UBE2D2: variants seen among roughly 807,000 people sequenced by gnomAD.
UBE2D2 encodes ubiquitin-conjugating enzyme E2 D2.
UBE2D2 carries 2 observed loss-of-function variants against 24.2 expected under a neutral mutation model. The ratio of observed to expected loss-of-function variants is 0.08; its 90% CI spans 0.03 to 0.26. The LOEUF is 0.26. UBE2D2 is among the 10% of genes least tolerant of loss of function. The probability of loss-of-function intolerance (pLI) is 1.00; values close to 1 mark genes in which losing one functional copy is unlikely to be tolerated. For missense variants in UBE2D2, 44 were observed against 177.6 expected, an observed-to-expected ratio of 0.25 and a Z score of 4.28; for synonymous variants, 58 against 56.5, an observed-to-expected ratio of 1.03 and a Z score of -0.12.
chr5:139,625,060 C>A (rs533620459), intron 6 of UBE2D2, among the ~76,000 whole-genome samples: 20 of 151,412 alleles, frequency 1.3e-4, no homozygotes, highest in Non-Finnish European at 2.4e-4. Context: ...TCTAACCCCC[C>A]ACTTTTTTTT....
At chr5:139,559,125 C>CT (rs544858968), upstream of UBE2D2, among the ~76,000 whole-genome samples, 173 of 151,964 alleles carry the variant, frequency 1.1e-3, no homozygotes, top group Admixed American at 3.7e-3. Flanking sequence ...CTGAGAATAA[C>CT]TTTAAAAAAA....
intron 2 of UBE2D2, chr5:139,611,868 C>T (rs1001048115): frequency 6.6e-6 from 1 of 152,058 alleles, no homozygotes; most frequent in South Asian, 2.1e-4. Context: ...CCTGTTTTTC[C>T]ACTCGCAGTC....
intron 2 of UBE2D2, among the ~76,000 whole-genome samples, chr5:139,609,641 G>C (rs1381001768): frequency 6.6e-6 from 1 of 150,454 alleles, no homozygotes; most frequent in Non-Finnish European, 1.5e-5. Context: ...AAAGTGCTGG[G>C]ATTACAGGTG....
chr5:139,611,377 G>A (rs1366037659), intron 2 of UBE2D2, among the ~76,000 whole-genome samples: 2 of 151,598 alleles, frequency 1.3e-5, no homozygotes, highest in African/African-American at 2.4e-5. Context: ...CAGTAGAGAC[G>A]GGGTTTCACT....
intron 1 of UBE2D2, among the ~76,000 whole-genome samples, chr5:139,554,006 C>T (rs1581487502): frequency 1.3e-5 from 2 of 152,186 alleles, no homozygotes; most frequent in Non-Finnish European, 2.9e-5. Context: ...TCTTGAACTT[C>T]TGACCTCAGG....
At chr5:139,570,861 A>G (rs1000291447) in intron 1 of UBE2D2, among the ~76,000 whole-genome samples, 2 of 152,118 alleles carry the variant, frequency 1.3e-5, no homozygotes, top group African/African-American at 4.8e-5. Flanking sequence ...CTTTCTGCAT[A>G]TATCTTTCAT....
chr5:139,625,075 A>G (rs1224640909), intron 6 of UBE2D2, among the ~76,000 whole-genome samples: 1 of 132,810 alleles, frequency 7.5e-6, no homozygotes, highest in Non-Finnish European at 1.6e-5. Flanking sequence ...TTTTTTTTGC[A>G]GAGACAGGGT....
At chr5:139,575,164 C>G (rs1042556285) in intron 1 of UBE2D2, among the ~76,000 whole-genome samples, 2 of 152,160 alleles carry the variant, frequency 1.3e-5, no homozygotes, top group African/African-American at 4.8e-5. Flanking sequence ...TAAATAACTT[C>G]TGAAGTATGT....
chr5:139,544,400 G>A (rs1440884751), intron 1 of UBE2D2, among the ~76,000 whole-genome samples: 1 of 151,492 alleles, frequency 6.6e-6, no homozygotes, highest in Non-Finnish European at 1.5e-5. Context: ...CGATTTTCCT[G>A]CCTCAGCCTC....
At position 139,548,184 on chromosome 5, in the gene UBE2D2, TAAA is replaced by T. The variant is rs1420608616; in HGVS notation, c.-64+21582_-64+21584del. ...GTCTCAAAAAAAAAAAAAAAAAAAA[TAAA>T]AAAAAAAAATAAATAAATAAATAAA... is the stretch of plus-strand genomic sequence containing the variant. On this transcript the variant is annotated intron_variant, in intron 1 of 6. Transcript: ENST00000511725. Among the ~76,000 whole-genome samples the T allele has an allele frequency of 3.4e-4, 16 of 46,870 alleles. No individual in the cohort carries two copies. The East Asian group carries it at 0.011, about 31-fold the overall frequency. 30.7% of individuals were successfully genotyped at this position (46,870 alleles called of 152,430 possible).
At chr5:139,556,550 G>A (rs1462773514), upstream of UBE2D2, among the ~76,000 whole-genome samples, 1 of 152,052 alleles carries the variant, frequency 6.6e-6, no homozygotes, top group East Asian at 1.9e-4. Flanking sequence ...TTCTTTAGGA[G>A]AATTGATAAA....
At position 139,543,191 on chromosome 5, in the gene UBE2D2, G is replaced by A. The variant is rs6892759; in HGVS notation, c.-64+16579G>A. ...ATTACAGGCGTGAGCCACCGTGCCT[G>A]GCATATGTTACTTTTTAAATTAAAC... On this transcript the variant is annotated intron_variant, in intron 1 of 6. Coordinates refer to the UBE2D2 transcript ENST00000511725. 4.2e-3 allele frequency among the ~76,000 whole-genome samples: 633 copies of A among 152,246 alleles called. 5 individuals carry two copies. The highest frequency in any genetic ancestry group is 0.014 in the African/African-American group (597 of 41,534).
At chr5:139,580,627 T>C (rs906952554) in intron 1 of UBE2D2, among the ~76,000 whole-genome samples, 18 of 152,140 alleles carry the variant, frequency 1.2e-4, no homozygotes, top group Non-Finnish European at 1.6e-4. Context: ...CTTGTATTTT[T>C]AGTAGAGACG....
intron 1 of UBE2D2, among the ~76,000 whole-genome samples, chr5:139,529,692 GTAAGCATCC>G (rs1752578834): frequency 6.6e-6 from 1 of 152,108 alleles, no homozygotes; most frequent in Non-Finnish European, 1.5e-5. Context: ...GGATCTTAGT[GTAAGCATCC>G]TAATAAAAGG....
rs1752951417 is a variant in UBE2D2 at position 139,554,021 on chromosome 5, CT to C, written c.-64+27410del. On this transcript the variant is annotated intron_variant, in intron 1 of 6. Transcript: ENST00000511725. ...TCTTGAACTTCTGACCTCAGGTGAT[CT>C]GCCTGCCTCAGCCTCCCAGAGTGCT... Among the ~76,000 whole-genome samples, 3 of 152,176 alleles carry C rather than the reference CT, an allele frequency of 2.0e-5. No homozygotes were observed. In the South Asian group the frequency reaches 6.2e-4, roughly 31 times the overall value.
At chr5:139,550,566 C>T (rs569270803) in intron 1 of UBE2D2, among the ~76,000 whole-genome samples, 5 of 152,256 alleles carry the variant, frequency 3.3e-5, no homozygotes, top group African/African-American at 7.2e-5. Context: ...CTTCCACGCT[C>T]ACGCTATGGG....
chr5:139,600,112 CAT>C (rs764616037), intron 1 of UBE2D2: 9 of 497,276 alleles, frequency 1.8e-5, no homozygotes, highest in Non-Finnish European at 3.0e-5. Flanking sequence ...ATACATGACA[CAT>C]GTTTTACCTT....
chr5:139,534,367 C>A lies in UBE2D2; in HGVS notation c.-64+7755C>A, dbSNP rs1752637972. ...TGATCACGAGGTCAGGAGATCGAGA[C>A]CATCCTGGCTAACACGGTGAAACCT... is the stretch of plus-strand genomic sequence containing the variant. On this transcript the variant is annotated intron_variant, in intron 1 of 6. Transcript: ENST00000511725. Among the ~76,000 whole-genome samples, 4 of 151,878 alleles carry A rather than the reference C, an allele frequency of 2.6e-5. No homozygotes were observed. The South Asian group carries it at 8.3e-4, about 32-fold the overall frequency.
intron 6 of UBE2D2, 94 bp downstream of exon 6, chr5:139,623,555 A>G (rs1754556224): frequency 1.0e-6 from 1 of 997,626 alleles, no homozygotes; most frequent in South Asian, 1.6e-5. Context: ...TCGGCCAGAT[A>G]TTTAAAGTGA....
Sources: allele counts gnomAD v4.1 joint callset (sites outside exome capture counted in the v4.1 genomes callset), GRCh38; gene constraint gnomAD v4.1.1; transcripts MANE v1.5; gene names NCBI Gene and HGNC (gene_info 2026-07-23, HGNC 2026-07-21).